PHIP: variants seen among roughly 807,000 people sequenced by gnomAD.
The protein encoded by PHIP is PH-interacting protein.
PHIP carries 54 observed loss-of-function variants against 236.8 expected under a neutral mutation model. That is an observed-to-expected ratio of 0.23 (90% confidence interval 0.18 to 0.29). PHIP has a LOEUF of 0.29. Ranked by LOEUF, PHIP falls within the 10% of genes least tolerant of loss-of-function variation. The probability of loss-of-function intolerance (pLI) is 1.00; values close to 1 mark genes in which losing one functional copy is unlikely to be tolerated. For missense variants in PHIP, 1,370 were observed against 2,190.8 expected, an observed-to-expected ratio of 0.63 and a Z score of 7.48; for synonymous variants, 756 against 718.9, an observed-to-expected ratio of 1.05 and a Z score of -0.83.
At chr6:78,942,016 C>CAGT (rs139088363) in intron 39 of PHIP, among the ~76,000 whole-genome samples, 5,824 of 152,204 alleles carry the variant, frequency 0.038, 161 homozygotes, top group Admixed American at 0.081. Flanking sequence ...CAGGAACTAC[C>CAGT]AGTAACTAAC....
chr6:79,040,931 T>G (rs1772179996), intron 7 of PHIP, among the ~76,000 whole-genome samples: 1 of 152,104 alleles, frequency 6.6e-6, no homozygotes, highest in African/African-American at 2.4e-5. Flanking sequence ...ACAGTGCTAC[T>G]TTTCTTCTCT....
chr6:79,044,989 T>C (rs1394552618), intron 6 of PHIP, among the ~76,000 whole-genome samples: 2 of 152,162 alleles, frequency 1.3e-5, no homozygotes, highest in Non-Finnish European at 2.9e-5. Context: ...CAAAGTTACT[T>C]TACAGTCAAA....
At chr6:79,001,843 T>C in intron 17 of PHIP, 56 bp downstream of exon 17, 1 of 1,149,650 alleles carries the variant, frequency 8.7e-7, no homozygotes, top group Non-Finnish European at 1.3e-6. Context: ...AATTAGCAAT[T>C]TTAACAGTTC....
intron 35 of PHIP, among the ~76,000 whole-genome samples, chr6:78,950,795 T>C (rs940417216): frequency 1.3e-5 from 2 of 151,382 alleles, no homozygotes; most frequent in Non-Finnish European, 2.9e-5. Flanking sequence ...AGAACCCAGC[T>C]TTCAATTTCA....
chr6:79,062,278 T>C (rs1773416893), intron 4 of PHIP, among the ~76,000 whole-genome samples: 1 of 152,200 alleles, frequency 6.6e-6, no homozygotes, highest in Non-Finnish European at 1.5e-5. Flanking sequence ...TAATAATATC[T>C]ATCATATTCA....
chr6:78,983,993 C>G (rs1421908459), intron 22 of PHIP, among the ~76,000 whole-genome samples: 1 of 152,016 alleles, frequency 6.6e-6, no homozygotes, highest in Non-Finnish European at 1.5e-5. Flanking sequence ...TTAAAGGAAC[C>G]TAAGTTATAC....
intron 20 of PHIP, among the ~76,000 whole-genome samples, chr6:78,990,464 A>G (rs1364707617): frequency 6.6e-6 from 1 of 152,192 alleles, no homozygotes; most frequent in Non-Finnish European, 1.5e-5. Flanking sequence ...AATATTATCT[A>G]TAGCAGCATT....
At chr6:79,073,117 G>A (rs1773971359) in intron 4 of PHIP, among the ~76,000 whole-genome samples, 1 of 152,140 alleles carries the variant, frequency 6.6e-6, no homozygotes, top group South Asian at 2.1e-4. Context: ...CCCGCTTTAT[G>A]CTCATGCCGC....
At chr6:78,974,278 T>C (rs983866529) in intron 24 of PHIP, among the ~76,000 whole-genome samples, 2 of 151,850 alleles carry the variant, frequency 1.3e-5, no homozygotes, top group Admixed American at 1.3e-4. Context: ...GAATGACTAC[T>C]GGGTACATAA....
intron 9 of PHIP, among the ~76,000 whole-genome samples, chr6:79,023,864 T>C (rs1771257130): frequency 2.6e-5 from 4 of 152,212 alleles, no homozygotes; most frequent in Admixed American, 2.6e-4. Flanking sequence ...CCTATCCCAA[T>C]TTGAACATTG....
intron 9 of PHIP, among the ~76,000 whole-genome samples, chr6:79,023,027 A>C (rs1562186848): frequency 6.6e-6 from 1 of 152,262 alleles, no homozygotes. Context: ...GTAAACACAT[A>C]AAGAAAATAG....
chr6:78,984,498 C>T (rs116335294), intron 22 of PHIP, among the ~76,000 whole-genome samples: 1,817 of 152,242 alleles, frequency 0.012, 39 homozygotes, highest in African/African-American at 0.042. Context: ...TCTTTACAAC[C>T]GTCCTCAACT....
rs371871341 is a variant in PHIP, at chr6:78,963,957, C to A, written c.3380-705G>T. ...CGTATGAATGTGTATCCAAATAGAA[C>A]AACAACAGTAACCACCCTTCAATAT... On this transcript the variant is annotated intron_variant, in intron 29 of 39. Coordinates refer to ENST00000275034, the MANE Select transcript of PHIP (RefSeq NM_017934.7). 1.8e-3 allele frequency among the ~76,000 whole-genome samples: 228 copies of A among 127,384 alleles called. 2 individuals are homozygous for A. The Middle Eastern group carries it at 0.05, about 28-fold the overall frequency. 83.6% of individuals were successfully genotyped at this position (127,384 alleles called of 152,430 possible).
intron 7 of PHIP, among the ~76,000 whole-genome samples, chr6:79,041,685 G>A (rs1772221753): frequency 6.6e-6 from 1 of 152,018 alleles, no homozygotes; most frequent in Non-Finnish European, 1.5e-5. Flanking sequence ...AATTACTACT[G>A]TAGGTATGTC....
At chr6:79,027,287 T>A (rs1036291344) in intron 7 of PHIP, among the ~76,000 whole-genome samples, 2 of 152,118 alleles carry the variant, frequency 1.3e-5, no homozygotes, top group African/African-American at 4.8e-5. Flanking sequence ...CACCCCCCAA[T>A]TAACGATAAA....
rs753187060 is a variant in PHIP, at chr6:78,955,695, G to A, written c.3783-13C>T. 6.8e-5 allele frequency: 58 copies of A among 856,228 alleles called. 2 individuals carry two copies. In the South Asian group the frequency reaches 9.2e-4, roughly 14 times the overall value. 53.0% of individuals were successfully genotyped at this position (856,228 alleles called of 1,614,324 possible). A position where few individuals can be genotyped will look rare whatever the true frequency, so the allele number is the denominator to read the frequency against. On this transcript the variant is annotated splice_polypyrimidine_tract_variant and intron_variant, in intron 32 of 39. Coordinates refer to ENST00000275034, the MANE Select transcript of PHIP (RefSeq NM_017934.7). Reference sequence around the variant, plus strand: ...ACAAGTCTGATCCCTACATAACAAGGAAATGTTAACATGTAAGATTAGAAC... The same window carrying A: ...ACAAGTCTGATCCCTACATAACAAGAAAATGTTAACATGTAAGATTAGAAC...
chr6:79,024,247 C>T lies in PHIP; in HGVS notation c.923+1272G>A, dbSNP rs114937602. Among the ~76,000 whole-genome samples, 1,340 of 152,242 alleles carry T rather than the reference C, an allele frequency of 8.8e-3. 21 individuals carry two copies. The highest frequency in any genetic ancestry group is 0.029 in the African/African-American group (1,214 of 41,548). Reference sequence around the variant, plus strand: ...TGCATTACAAACAATTATCTAAACACTACTGTTTTTAAAATAACAAAGGCA... The same window carrying T: ...TGCATTACAAACAATTATCTAAACATTACTGTTTTTAAAATAACAAAGGCA... On this transcript the variant is annotated intron_variant, in intron 9 of 39. Transcript: ENST00000275034.
chr6:78,963,727 T>G (rs1249475144), intron 29 of PHIP, among the ~76,000 whole-genome samples: 3 of 152,204 alleles, frequency 2.0e-5, no homozygotes, highest in Non-Finnish European at 4.4e-5. Context: ...ACTCATAAAT[T>G]ATGAAGGTAT....
chr6:79,009,772 T>C (rs1770477126), intron 15 of PHIP, among the ~76,000 whole-genome samples: 1 of 151,988 alleles, frequency 6.6e-6, no homozygotes, highest in Non-Finnish European at 1.5e-5. Flanking sequence ...AATTACTACA[T>C]AAAAGTAATT....
Sources: gnomAD v4.1 joint callset for allele counts (sites outside exome capture counted in the v4.1 genomes callset) on GRCh38, gnomAD v4.1.1 for gene constraint, MANE v1.5 for transcripts, NCBI Gene and HGNC (gene_info 2026-07-23, HGNC 2026-07-21) for gene names.